The following PEX14 variants were observed in gnomAD, a reference collection of about 807,000 sequenced individuals.
The protein encoded by PEX14 is peroxisomal membrane protein PEX14.
Under a neutral mutation model 49.5 loss-of-function variants are expected in PEX14, and 15 were observed. The ratio of observed to expected loss-of-function variants is 0.30; its 90% CI spans 0.20 to 0.47. The LOEUF (loss-of-function observed/expected upper bound fraction) is 0.47. Among genes scored for constraint, PEX14 ranks in the 20% least tolerant of loss-of-function variants. The pLI, the probability that PEX14 is intolerant of heterozygous loss-of-function variation, is 1.00. For synonymous variants in PEX14, 210 were observed against 212.7 expected, an observed-to-expected ratio of 0.99 and a Z score of 0.11; for missense variants, 398 against 494.8, an observed-to-expected ratio of 0.80 and a Z score of 1.86.
chr1:10,552,324 C>T (rs575420802), intron 3 of PEX14, among the ~76,000 whole-genome samples: 79 of 152,246 alleles, frequency 5.2e-4, no homozygotes, highest in Admixed American at 1.2e-3. Context: ...CGCCTGTAAT[C>T]CCAGTTACTC....
Position 10,552,226 on chromosome 1 carries a change from G to A in PEX14, c.169+15929G>A, listed in dbSNP as rs149625208. Among the ~76,000 whole-genome samples, 10 of 152,244 alleles carry A rather than the reference G, an allele frequency of 6.6e-5. No homozygotes were observed. The East Asian group carries it at 1.5e-3, about 24-fold the overall frequency. On this transcript the variant is annotated intron_variant, in intron 3 of 8. Coordinates refer to ENST00000356607, the MANE Select transcript of PEX14 (RefSeq NM_004565.3). ...TGGGAGGCCGAGACGGGCAAATCAC[G>A]AGGTCAGGAGTTCAAGACCAGCCTG...
chr1:10,556,911 G>A (rs1435966004), intron 3 of PEX14, among the ~76,000 whole-genome samples: 1 of 152,122 alleles, frequency 6.6e-6, no homozygotes, highest in Non-Finnish European at 1.5e-5. Context: ...TCTGTGACTT[G>A]GGCCAGAGGG....
chr1:10,618,270 G>GC (rs1326984361), intron 4 of PEX14, 62 bp from the exon 5 acceptor site: 1 of 1,326,682 alleles, frequency 7.5e-7, no homozygotes, highest in African/African-American at 1.4e-5. Context: ...ACCTGTGCCA[G>GC]CCCCCACCCG....
At chr1:10,571,174 C>G (rs1639967217) in intron 3 of PEX14, among the ~76,000 whole-genome samples, 1 of 151,852 alleles carries the variant, frequency 6.6e-6, no homozygotes, top group African/African-American at 2.4e-5. Context: ...GTTGTTTTGA[C>G]ATACACAATT....
chr1:10,595,240 A>G (rs1486768156), intron 3 of PEX14, among the ~76,000 whole-genome samples: 2 of 152,202 alleles, frequency 1.3e-5, no homozygotes, highest in East Asian at 1.9e-4. Context: ...TCAGTTTTGC[A>G]TATCAGGTAA....
chr1:10,621,028 C>T (rs575705352), intron 5 of PEX14, among the ~76,000 whole-genome samples: 25 of 152,304 alleles, frequency 1.6e-4, no homozygotes, highest in Middle Eastern at 3.4e-3. Flanking sequence ...GAGGGCAGCT[C>T]GGCAGCCCGC....
At chr1:10,555,827 C>T (rs547823340) in intron 3 of PEX14, among the ~76,000 whole-genome samples, 3 of 152,282 alleles carry the variant, frequency 2.0e-5, no homozygotes, top group Non-Finnish European at 2.9e-5. Flanking sequence ...TGTGGCCGGG[C>T]GTTGCATCAT....
chr1:10,577,546 A>ATATATATATATATATG (rs1640164854), intron 3 of PEX14, among the ~76,000 whole-genome samples: 2 of 7,552 alleles, frequency 2.6e-4, no homozygotes, highest in Admixed American at 2.3e-3. Flanking sequence ...ATATATATAT[A>ATATATATATATATATG]TATATATATA....
intron 4 of PEX14, among the ~76,000 whole-genome samples, chr1:10,606,535 TG>T (rs35174451): frequency 0.19 from 28,681 of 152,116 alleles, 3,270 homozygotes; most frequent in African/African-American, 0.33. Context: ...GGATAATGGT[TG>T]CCTCTGGGCT....
intron 2 of PEX14, among the ~76,000 whole-genome samples, chr1:10,509,321 AAACAGAAGAAAT>A (rs1422398029): frequency 6.6e-6 from 1 of 152,222 alleles, no homozygotes; most frequent in African/African-American, 2.4e-5. Context: ...ATTTGTTAAT[AAACAGAAGAAAT>A]AACGAGAAAT....
At chr1:10,477,227 T>C (rs964878031) in intron 1 of PEX14, among the ~76,000 whole-genome samples, 3 of 152,140 alleles carry the variant, frequency 2.0e-5, no homozygotes, top group Admixed American at 2.0e-4. Context: ...CCCGCCACCA[T>C]GCCCAGCTAA....
rs56306413 is a variant in PEX14 at position 10,514,156 on chromosome 1, CTGTGTGTGTGTGTGTGTGTGTGTGTGTG to C, written c.84+18851_84+18878del. Among the ~76,000 whole-genome samples, 1 of 143,176 alleles carries C rather than the reference CTGTGTGTGTGTGTGTGTGTGTGTGTGTG, an allele frequency of 7.0e-6. No homozygotes were observed. The highest frequency in any genetic ancestry group is 7.0e-5 in the Admixed American group (1 of 14,354). The allele number at this position is 143,176 out of a possible 152,430, so 93.9% of individuals were successfully genotyped here. A position where few individuals can be genotyped will look rare whatever the true frequency, so the allele number is the denominator to read the frequency against. On this transcript the variant is annotated intron_variant, in intron 2 of 8. Transcript: ENST00000356607. This position sits in a 1 kb window ranked among gnomAD's most constrained non-coding sequence, Gnocchi z 4.4. ...AAAATGTATAAAATAATCTATGCCT[CTGTGTGTGTGTGTGTGTGTGTGTGTGTG>C]TGTGTGTGTGTGTGTATGGTGTTAG...
rs751132043 is a variant in PEX14, at chr1:10,630,035, G to A, written c.*48G>A. Reference sequence around the variant, plus strand: ...CCTGAGGATGGCATCTAGTGTGCCCGTGCGTGGCCATACCCTGCCTCCCTC... The same window carrying A: ...CCTGAGGATGGCATCTAGTGTGCCCATGCGTGGCCATACCCTGCCTCCCTC... On this transcript the variant is annotated 3_prime_UTR_variant, in exon 9 of 9. Coordinates refer to ENST00000356607, the MANE Select transcript of PEX14 (RefSeq NM_004565.3). This position sits in a 1 kb window ranked among gnomAD's most constrained non-coding sequence, Gnocchi z 4.1. 21 of 1,597,998 alleles carry A rather than the reference G, an allele frequency of 1.3e-5. No individual in the cohort carries two copies. Among genetic ancestry groups the A allele is most frequent in the South Asian group, 3.3e-5 (3 of 90,648 alleles).
At chr1:10,611,631 A>G (rs985704065) in intron 4 of PEX14, among the ~76,000 whole-genome samples, 9 of 152,226 alleles carry the variant, frequency 5.9e-5, no homozygotes, top group Admixed American at 2.0e-4. Flanking sequence ...CAGTTGCTCC[A>G]TATCTTTGTC....
At chr1:10,573,064 A>C (rs1054536476) in intron 3 of PEX14, among the ~76,000 whole-genome samples, 5 of 152,202 alleles carry the variant, frequency 3.3e-5, no homozygotes, top group African/African-American at 1.2e-4. Flanking sequence ...AAAGGTAATG[A>C]ATTGTGCTAC....
intron 1 of PEX14, among the ~76,000 whole-genome samples, chr1:10,475,682 A>ACC (rs1178700296): frequency 6.6e-6 from 1 of 152,110 alleles, no homozygotes; most frequent in Non-Finnish European, 1.5e-5. Context: ...CAATAAGGGG[A>ACC]CCATAAGGAC....
chr1:10,594,116 G>T (rs546452283), intron 3 of PEX14, among the ~76,000 whole-genome samples: 2 of 152,166 alleles, frequency 1.3e-5, no homozygotes, highest in African/African-American at 4.8e-5. Context: ...GTCATCCTAC[G>T]ACTTTTAGAG....
At chr1:10,547,634 T>C (rs1639215145) in intron 3 of PEX14, among the ~76,000 whole-genome samples, 1 of 152,150 alleles carries the variant, frequency 6.6e-6, no homozygotes, top group Admixed American at 6.5e-5. Context: ...AATAATAAAA[T>C]TGAACAGTTA....
At chr1:10,553,960 G>A (rs1431408875) in intron 3 of PEX14, among the ~76,000 whole-genome samples, 4 of 152,024 alleles carry the variant, frequency 2.6e-5, no homozygotes, top group Non-Finnish European at 2.9e-5. Context: ...GGTCTTTGTG[G>A]TACCTTTACT....
Sources: gnomAD v4.1 joint callset for allele counts (sites outside exome capture counted in the v4.1 genomes callset) on GRCh38, gnomAD v4.1.1 for gene constraint, Gnocchi (gnomAD v3.1) non-coding constraint, MANE v1.5 for transcripts, NCBI Gene and HGNC (gene_info 2026-07-23, HGNC 2026-07-21) for gene names.